Variants in LARGE1 observed in about 807,000 individuals in gnomAD.
LARGE1 encodes the protein LARGE xylosyl- and glucuronyltransferase 1, also known as xylosyl- and glucuronyltransferase LARGE1.
A neutral mutation model predicts 87.6 loss-of-function variants in LARGE1; 43 were observed. The ratio of observed to expected loss-of-function variants is 0.49; its 90% CI spans 0.38 to 0.63. The LOEUF (loss-of-function observed/expected upper bound fraction) is 0.63, where lower values mean the gene tolerates loss of function less well. Ranked by LOEUF, LARGE1 falls within the 30% of genes least tolerant of loss-of-function variation. The pLI, the probability that LARGE1 is intolerant of heterozygous loss-of-function variation, is 0.00. For synonymous variants in LARGE1, 434 were observed against 394.6 expected (o/e 1.10, Z -1.18); for missense variants, 802 against 1,000.2 (o/e 0.80, Z 2.67).
At chr22:33,652,799 T>C (rs2080859295) in intron 2 of LARGE1, among the ~76,000 whole-genome samples, 1 of 152,190 alleles carries the variant, frequency 6.6e-6, no homozygotes, top group Non-Finnish European at 1.5e-5. Context: ...TGATGTATCT[T>C]TGGGCCTTAA....
chr22:33,802,185 C>T (rs960550052), intron 1 of LARGE1, among the ~76,000 whole-genome samples: 1 of 152,182 alleles, frequency 6.6e-6, no homozygotes, highest in Non-Finnish European at 1.5e-5. Flanking sequence ...TGACCCCAGG[C>T]AGAGCCAAAA....
chr22:33,269,017 A>C (rs1928105818), downstream of LARGE1, among the ~76,000 whole-genome samples: 1 of 152,192 alleles, frequency 6.6e-6, no homozygotes, highest in South Asian at 2.1e-4. Context: ...TTTTTCATTC[A>C]AAACACTGAA....
At chr22:33,508,550 C>T (rs751800643) in intron 6 of LARGE1, among the ~76,000 whole-genome samples, 4 of 152,168 alleles carry the variant, frequency 2.6e-5, no homozygotes, top group African/African-American at 9.7e-5. Flanking sequence ...ACACTCTCAC[C>T]AAATGCAGAG....
intron 1 of LARGE1, among the ~76,000 whole-genome samples, chr22:33,839,857 T>C (rs1267363742): frequency 6.6e-6 from 1 of 152,212 alleles, no homozygotes; most frequent in East Asian, 1.9e-4. Flanking sequence ...CCTACTACAA[T>C]GAACTATGCC....
chr22:33,223,736 A>G (rs1163507523), intron 11 of LARGE1, among the ~76,000 whole-genome samples: 25 of 152,198 alleles, frequency 1.6e-4, no homozygotes, highest in Admixed American at 1.6e-3. Flanking sequence ...AAGGAACCGT[A>G]CTTGTTATAC....
intron 9 of LARGE1, among the ~76,000 whole-genome samples, chr22:33,375,868 C>G (rs1424555473): frequency 6.6e-6 from 1 of 152,218 alleles, no homozygotes; most frequent in Admixed American, 6.5e-5. Flanking sequence ...CCACCTCAAC[C>G]TCCCCAGTAG....
At chr22:33,800,741 G>T (rs181357064) in intron 1 of LARGE1, among the ~76,000 whole-genome samples, 1 of 152,022 alleles carries the variant, frequency 6.6e-6, no homozygotes, top group Non-Finnish European at 1.5e-5. Context: ...CCTTTTTCTC[G>T]CTGAGTAGTG....
chr22:33,282,807 A>C (rs1479827679), intron 13 of LARGE1, among the ~76,000 whole-genome samples: 1 of 152,140 alleles, frequency 6.6e-6, no homozygotes, highest in African/African-American at 2.4e-5. Flanking sequence ...GTGCTAATAG[A>C]ATGAAACCCA....
At chr22:33,562,588 C>G (rs2077893433) in intron 6 of LARGE1, among the ~76,000 whole-genome samples, 1 of 152,238 alleles carries the variant, frequency 6.6e-6, no homozygotes, top group Non-Finnish European at 1.5e-5. Flanking sequence ...ACCCCAGGAG[C>G]TGCCTTGAAT....
intron 6 of LARGE1, among the ~76,000 whole-genome samples, chr22:33,561,161 G>A (rs183690713): frequency 7.8e-4 from 119 of 152,270 alleles, no homozygotes; most frequent in African/African-American, 2.6e-3. Context: ...AACCTAAGAC[G>A]TGCTTAAGAA....
chr22:33,355,833 G>A (rs1236766872), intron 9 of LARGE1, among the ~76,000 whole-genome samples: 1 of 152,192 alleles, frequency 6.6e-6, no homozygotes, highest in East Asian at 1.9e-4. Context: ...AATAGAGCCA[G>A]TATTTATGTA....
At chr22:33,625,202 C>T (rs532044386) in intron 4 of LARGE1, among the ~76,000 whole-genome samples, 20 of 152,348 alleles carry the variant, frequency 1.3e-4, no homozygotes, top group Admixed American at 1.1e-3. Flanking sequence ...GGATAAGCTT[C>T]ATCCAAACCC....
At chr22:33,469,390 A>C (rs1182847010) in intron 6 of LARGE1, among the ~76,000 whole-genome samples, 1 of 152,246 alleles carries the variant, frequency 6.6e-6, no homozygotes, top group Non-Finnish European at 1.5e-5. Flanking sequence ...AGCAATACGG[A>C]TGGAGCTGGA....
intron 1 of LARGE1, among the ~76,000 whole-genome samples, chr22:33,806,680 A>C (rs2086319685): frequency 6.6e-6 from 1 of 152,110 alleles, no homozygotes. Context: ...CAGCTGTGCT[A>C]CTCGGAGGAA....
At chr22:33,731,097 G>T (rs894074274) in intron 2 of LARGE1, among the ~76,000 whole-genome samples, 47 of 151,546 alleles carry the variant, frequency 3.1e-4, no homozygotes, top group African/African-American at 1.1e-3. Context: ...CCGCCTCCCG[G>T]GTTCACGCCA....
the LARGE1 span, among the ~76,000 whole-genome samples, chr22:33,102,773 A>T: frequency 6.6e-6 from 1 of 151,350 alleles, no homozygotes. Flanking sequence ...TTACAGGCGT[A>T]AACCACTGCA....
chr22:33,207,186 C>A (rs1471371118), intron 11 of LARGE1, among the ~76,000 whole-genome samples: 2 of 152,190 alleles, frequency 1.3e-5, no homozygotes, highest in East Asian at 1.9e-4. Flanking sequence ...CTCATCCATA[C>A]CCTCTTCAGT....
chr22:33,109,669 A>C, the LARGE1 span, among the ~76,000 whole-genome samples: 2 of 152,202 alleles, frequency 1.3e-5, no homozygotes, highest in Non-Finnish European at 2.9e-5. Flanking sequence ...CTCATGTTGA[A>C]ATGTGATCTC....
At chr22:33,827,310 C>T (rs756340167) in intron 1 of LARGE1, among the ~76,000 whole-genome samples, 18 of 152,002 alleles carry the variant, frequency 1.2e-4, no homozygotes, top group Non-Finnish European at 2.2e-4. Context: ...GCGGAGCTTG[C>T]AGTGAGCCGA....
Sources: allele counts gnomAD v4.1 joint callset (sites outside exome capture counted in the v4.1 genomes callset), GRCh38; gene constraint gnomAD v4.1.1; transcripts MANE v1.5; gene names NCBI Gene and HGNC (gene_info 2026-07-23, HGNC 2026-07-21).